The following ADAMTS14 variants were observed in gnomAD, a reference collection of about 807,000 sequenced individuals.
The protein encoded by ADAMTS14 is A disintegrin and metalloproteinase with thrombospondin motifs 14.
A neutral mutation model predicts 128.6 loss-of-function variants in ADAMTS14; 100 were observed. That is an observed-to-expected ratio of 0.78 (90% CI 0.66 to 0.92). The LOEUF (loss-of-function observed/expected upper bound fraction) is 0.92. ADAMTS14 is among the 40% of genes least tolerant of loss of function. The probability of loss-of-function intolerance (pLI) is 0.00; values close to 1 mark genes in which losing one functional copy is unlikely to be tolerated. For missense variants in ADAMTS14, 1,562 were observed against 1,658.6 expected (o/e 0.94, Z 1.01); for synonymous variants, 665 against 653.8 (o/e 1.02, Z -0.26).
chr10:70,685,012 C>T (rs925732112), intron 2 of ADAMTS14, among the ~76,000 whole-genome samples: 3 of 152,268 alleles, frequency 2.0e-5, no homozygotes, highest in African/African-American at 7.2e-5. Context: ...CTCACTGCGG[C>T]TCCTCCGGAG....
chr10:70,679,743 G>T (rs1839747805), intron 2 of ADAMTS14, among the ~76,000 whole-genome samples: 1 of 152,260 alleles, frequency 6.6e-6, no homozygotes, highest in African/African-American at 2.4e-5. Flanking sequence ...AGCCACACGT[G>T]TAAGATTTGT....
intron 21 of ADAMTS14, among the ~76,000 whole-genome samples, chr10:70,759,589 T>G (rs952202177): frequency 2.0e-5 from 3 of 152,212 alleles, no homozygotes; most frequent in Non-Finnish European, 4.4e-5. Context: ...AACTGAGGCT[T>G]GGAGGGTTTA....
At position 70,674,805 on chromosome 10, in the gene ADAMTS14, CTG is replaced by C. The variant is rs1227338830; in HGVS notation, c.334_335del (p.Val112PhefsTer60). On this transcript the variant is annotated frameshift_variant, in exon 2 of 22. Transcript: ENST00000373207. LOFTEE classifies it high-confidence loss of function. ...CGCCACTCCCTCTACTTCAATGTCA[CTG>C]TTTTCGGGAAGGAACTGCACTTGCG... is the stretch of plus-strand genomic sequence containing the variant. The C allele has an allele frequency of 1.2e-6, 2 of 1,613,712 alleles. No individual in the cohort carries two copies. Among genetic ancestry groups the C allele is most frequent in the African/African-American group, 1.3e-5 (1 of 74,936 alleles).
intron 12 of ADAMTS14, among the ~76,000 whole-genome samples, chr10:70,741,673 C>T (rs994905739): frequency 6.6e-6 from 1 of 152,168 alleles, no homozygotes; most frequent in African/African-American, 2.4e-5. Context: ...TTGGAAGGCA[C>T]GCAGATAGGA....
At chr10:70,689,185 G>T (rs935765996) in intron 2 of ADAMTS14, among the ~76,000 whole-genome samples, 1 of 143,910 alleles carries the variant, frequency 6.9e-6, no homozygotes, top group Non-Finnish European at 1.6e-5. Flanking sequence ...AAAATATGCC[G>T]TCCCCTAATC....
At chr10:70,681,209 T>C (rs1839792021) in intron 2 of ADAMTS14, among the ~76,000 whole-genome samples, 2 of 152,208 alleles carry the variant, frequency 1.3e-5, no homozygotes, top group Middle Eastern at 6.8e-3. Context: ...CAGGGAAGCA[T>C]AATGCATGCC....
intron 2 of ADAMTS14, among the ~76,000 whole-genome samples, chr10:70,677,875 G>A (rs1245058656): frequency 3.3e-5 from 5 of 152,194 alleles, no homozygotes; most frequent in East Asian, 3.8e-4. Context: ...CAAAGGCCAC[G>A]GTGTAGCATT....
intron 9 of ADAMTS14, among the ~76,000 whole-genome samples, chr10:70,736,271 G>C (rs1056664233): frequency 2.1e-5 from 1 of 47,366 alleles, no homozygotes; most frequent in Non-Finnish European, 5.8e-5. Flanking sequence ...GAGTGCTGGG[G>C]TGGGGGGGGT....
chr10:70,703,259 A>T (rs533235073), intron 3 of ADAMTS14, among the ~76,000 whole-genome samples: 1 of 152,342 alleles, frequency 6.6e-6, no homozygotes, highest in Admixed American at 6.5e-5. Flanking sequence ...GGATGTGACA[A>T]GTGCTGGTCC....
At chr10:70,716,262 G>C (rs189338309) in intron 4 of ADAMTS14, among the ~76,000 whole-genome samples, 2 of 152,344 alleles carry the variant, frequency 1.3e-5, no homozygotes, top group Admixed American at 1.3e-4. Flanking sequence ...GTTGCCCTGT[G>C]AATGTGGGAA....
At chr10:70,754,156 T>A (rs1842426945) in intron 19 of ADAMTS14, 149 bp downstream of exon 19, 6 of 732,630 alleles carry the variant, frequency 8.2e-6, no homozygotes, top group South Asian at 7.6e-5. Flanking sequence ...AGCTCCTACG[T>A]ACCCTGGGCC....
chr10:70,741,097 A>AGC lies in ADAMTS14; in HGVS notation c.1862_1863dup (p.Asn622AlafsTer28). ...GACTTCCGGGCCCAGCAGTGTGCCA[A>AGC]GCGCAACTCCTACTATGTGCACCAG... On this transcript the variant is annotated frameshift_variant, in exon 12 of 22. Coordinates refer to ENST00000373207, the MANE Select transcript of ADAMTS14 (RefSeq NM_080722.4). LOFTEE classifies it high-confidence loss of function. 1 of 1,613,968 alleles carries AGC rather than the reference A, an allele frequency of 6.2e-7. No individual in the cohort carries two copies. The highest frequency in any genetic ancestry group is 8.5e-7 in the Non-Finnish European group (1 of 1,179,988).
chr10:70,741,206 C>T (rs906173592), intron 12 of ADAMTS14, 44 bp downstream of exon 12: 51 of 1,592,718 alleles, frequency 3.2e-5, no homozygotes, highest in Non-Finnish European at 4.4e-5. Context: ...CCTTAGGCAT[C>T]TGCGGGGGCT....
At chr10:70,757,311 G>C (rs1309852863) in intron 19 of ADAMTS14, among the ~76,000 whole-genome samples, 1 of 152,142 alleles carries the variant, frequency 6.6e-6, no homozygotes, top group African/African-American at 2.4e-5. Context: ...GCTCCATCAG[G>C]GAAGAAGACA....
At chr10:70,730,285 G>A in intron 6 of ADAMTS14, 36 bp downstream of exon 6, 3 of 1,597,308 alleles carry the variant, frequency 1.9e-6, no homozygotes, top group Non-Finnish European at 1.7e-6. Context: ...GGCCAGGTGT[G>A]TGCAGCATGC....
intron 19 of ADAMTS14, among the ~76,000 whole-genome samples, chr10:70,755,741 C>T (rs1411587272): frequency 1.3e-5 from 2 of 152,086 alleles, no homozygotes; most frequent in African/African-American, 2.4e-5. Context: ...CTCAGCTACT[C>T]GGGAGGCTGA....
chr10:70,759,922 G>A (rs537329917), intron 21 of ADAMTS14, among the ~76,000 whole-genome samples: 113 of 152,190 alleles, frequency 7.4e-4, no homozygotes, highest in Non-Finnish European at 6.8e-4. Context: ...CACCCCCAAG[G>A]ATTCCAGTGT....
intron 2 of ADAMTS14, among the ~76,000 whole-genome samples, chr10:70,692,609 G>T (rs575824692): frequency 2.6e-4 from 39 of 152,354 alleles, no homozygotes; most frequent in Admixed American, 5.9e-4. Context: ...CCGAAAAGGT[G>T]TGCCTTTTGA....
At chr10:70,731,774 G>A (rs1055120231) in intron 6 of ADAMTS14, among the ~76,000 whole-genome samples, 1 of 152,120 alleles carries the variant, frequency 6.6e-6, no homozygotes, top group African/African-American at 2.4e-5. Context: ...GCCTCATCAC[G>A]TGATCTCCCT....
Sources: allele counts gnomAD v4.1 joint callset (sites outside exome capture counted in the v4.1 genomes callset), GRCh38; gene constraint gnomAD v4.1.1; transcripts MANE v1.5; gene names NCBI Gene and HGNC (gene_info 2026-07-23, HGNC 2026-07-21).